TTN: variants seen among roughly 807,000 people sequenced by gnomAD.
TTN encodes the protein connectin.
In TTN, 1,525 loss-of-function variants were observed where a neutral mutation model predicts 3,223.0. The ratio of observed to expected loss-of-function variants is 0.47; its 90% CI spans 0.45 to 0.49. The LOEUF is 0.49. Among genes scored for constraint, TTN ranks in the 20% least tolerant of loss-of-function variants. TTN has a pLI of 0.00. For missense variants in TTN, 40,786 were observed against 43,424.0 expected (o/e 0.94, Z 5.40); for synonymous variants, 14,094 against 15,161.0 (o/e 0.93, Z 5.17).
chr2:178,768,958 C>T, intron 37 of TTN, 25 bp from the exon 38 acceptor site: 2 of 1,611,730 alleles, frequency 1.2e-6, no homozygotes, highest in Admixed American at 1.7e-5. Context: ...AGAAAAAACA[C>T]CCAAGGAGAC....
intron 330 of TTN, chr2:178,556,454 AC>A (rs1701509589): frequency 1.4e-5 from 3 of 215,374 alleles, no homozygotes; most frequent in Admixed American, 5.8e-5. Flanking sequence ...AAACAAACAA[AC>A]AAAAAAAAAA....
At position 178,647,472 on chromosome 2, in the gene TTN, G is replaced by T; in HGVS notation, c.40058-8C>A. ...TCTCAGGCACTTTGGGCACTTTAAAGATATGATTTTGTTTACTATTAAGAA... is the reference window on the plus strand; with the variant it reads ...TCTCAGGCACTTTGGGCACTTTAAATATATGATTTTGTTTACTATTAAGAA... On this transcript the variant is annotated splice_polypyrimidine_tract_variant and splice_region_variant and intron_variant, in intron 213 of 362. Coordinates refer to ENST00000589042, the MANE Select transcript of TTN (RefSeq NM_001267550.2). 6.5e-7 allele frequency: 1 copy of T among 1,549,376 alleles called. No individual in the cohort carries two copies.
intron 42 of TTN, 107 bp from the exon 43 acceptor site, chr2:178,764,409 A>C: frequency 6.2e-7 from 1 of 1,611,224 alleles, no homozygotes; most frequent in Non-Finnish European, 8.5e-7. Context: ...AGTGCTTTCA[A>C]AGTTGGGTAG....
In TTN at chr2:178,570,171, T is replaced by C. The variant is rs769235958; in HGVS notation, c.75961A>G (p.Met25321Val). The C allele has an allele frequency of 8.7e-6, 14 of 1,613,408 alleles. No homozygotes were observed. Among genetic ancestry groups the C allele is most frequent in the Non-Finnish European group, 1.2e-5 (14 of 1,179,622 alleles). ...GCTGGTCTTTCCCATACAACAATCATTGAGTCCTTGGTCACTGTTGTGACT... is the reference window on the plus strand; with the variant it reads ...GCTGGTCTTTCCCATACAACAATCACTGAGTCCTTGGTCACTGTTGTGACT... The part of the protein sequence containing the change: ...PEVTTVTKDS[M>V]IVVWERPASD... The change falls in exon 326 of 363, where the codon ATG (methionine) becomes GTG (valine). Residue 25321 changes from methionine to valine, a missense_variant. Transcript: ENST00000589042.
rs373144782 is a variant in TTN, at chr2:178,565,614, C to T, written c.80518G>A (p.Val26840Ile). 3 of 1,613,470 alleles carry T rather than the reference C, an allele frequency of 1.9e-6. No individual in the cohort carries two copies. The African/African-American group carries it at 4.0e-5, about 22-fold the overall frequency. The change falls in exon 326 of 363, where the codon GTT (valine) becomes ATT (isoleucine). Residue 26840 changes from valine (V) to isoleucine (I), a missense_variant. Transcript: ENST00000589042. Reference protein sequence around the residue: ...VAESKVCNAVVTGLSSGQEYQ... With the variant: ...VAESKVCNAVITGLSSGQEYQ... The stretch of plus-strand genomic sequence containing the variant: ...TCTTGTCCAGAACTCAAACCAGTAA[C>T]AACTGCATTACAGACTTTGGATTCA...
At chr2:178,749,345 G>A (rs933904514) in intron 47 of TTN, 1 of 1,612,742 alleles carries the variant, frequency 6.2e-7, no homozygotes, top group Admixed American at 1.7e-5. Context: ...TATGAATTCA[G>A]CCCTGATGGG....
rs774179004 is a variant in TTN, at chr2:178,607,898, G to T, written c.52889C>A (p.Thr17630Asn). Residue 17630 changes from threonine (T) to asparagine (N), a missense_variant, in exon 276 of 363, where the codon ACC (threonine) becomes AAC (asparagine). Thr to Asn is a moderately conservative substitution (Grantham distance 65). Transcript: ENST00000589042. ...TEKMIKVRQY[T>N]VKEIREGADY... ...AGCACCCTCTCGGATTTCTTTGACG[G>T]TGTACTGACGGACCTTGATCATCTT... 4 of 1,612,986 alleles carry T rather than the reference G, an allele frequency of 2.5e-6. No homozygotes were observed. The South Asian group carries it at 4.4e-5, about 18-fold the overall frequency.
chr2:178,632,281 G>A lies in TTN; in HGVS notation c.43613C>T (p.Thr14538Ile). The change falls in exon 236 of 363, where the codon ACC (threonine) becomes ATC (isoleucine). Residue 14538 changes from threonine (T) to isoleucine (I), a missense_variant. Physicochemically the swap from Thr to Ile is moderately conservative, Grantham distance 89. Coordinates refer to ENST00000589042, the MANE Select transcript of TTN (RefSeq NM_001267550.2). ...GTCTTGCATTGAGACCGACCTGGTGGTGTGTAGGCGCTGGTCATTCTTGAA... is the reference window on the plus strand; with the variant it reads ...GTCTTGCATTGAGACCGACCTGGTGATGTGTAGGCGCTGGTCATTCTTGAA... ...KWFKNDQRLH[T>I]TRSVSMQDEG... The A allele has an allele frequency of 6.2e-7, 1 of 1,609,998 alleles. No homozygotes were observed. Among genetic ancestry groups the A allele is most frequent in the Non-Finnish European group, 8.5e-7 (1 of 1,178,044 alleles).
rs749161780 is a variant in TTN at position 178,774,503 on chromosome 2, T to C, written c.6791-30A>G. The C allele has an allele frequency of 2.5e-6, 4 of 1,604,100 alleles. No homozygotes were observed. In the African/African-American group the frequency reaches 4.0e-5, roughly 16 times the overall value. On this transcript the variant is annotated intron_variant, in intron 29 of 362. Transcript: ENST00000589042. ...AGTGTATAACAGAAAGATAAATCAA[T>C]TTTTTTGGAGAGGTATGCATCTAGA...
Position 178,782,373 on chromosome 2 carries a change from T to G in TTN, c.3219A>C (p.Gln1073His), listed in dbSNP as rs2092857573. Residue 1073 changes from glutamine to histidine, a missense_variant, in exon 20 of 363, where the codon CAA (glutamine) becomes CAC (histidine). Transcript: ENST00000589042. Reference sequence around the variant, plus strand: ...GCGCGGCAGGTTCTCCAGGCCCTGCTTGTTCCTCTGTGAGGCTAGTATCAG... The same window carrying G: ...GCGCGGCAGGTTCTCCAGGCCCTGCGTGTTCCTCTGTGAGGCTAGTATCAG... ...VMTDTSLTEEQAGPGEPAAPY... is the reference protein window; with the variant it reads ...VMTDTSLTEEHAGPGEPAAPY... 2 of 1,614,128 alleles carry G rather than the reference T, an allele frequency of 1.2e-6. No individual in the cohort carries two copies. Among genetic ancestry groups the G allele is most frequent in the Admixed American group, 3.3e-5 (2 of 60,020 alleles).
At position 178,604,769 on chromosome 2, in the gene TTN, G is replaced by C. The variant is rs794729457; in HGVS notation, c.54320C>G (p.Ala18107Gly). The change falls in exon 281 of 363, where the codon GCA becomes GGA. Residue 18107 changes from alanine (A) to glycine (G), a missense_variant. By Grantham distance (60) the Ala-to-Gly change is moderately conservative (BLOSUM62 0). Coordinates refer to ENST00000589042, the MANE Select transcript of TTN (RefSeq NM_001267550.2). ...ITHYVIDKRD[A>G]SRKKAEWEEV... is the part of the protein sequence containing the mutation. ...CTCCCATTCTGCTTTCTTCCTACTT[G>C]CATCACGTTTGTCAATAACATAATG... 2 of 1,612,080 alleles carry C rather than the reference G, an allele frequency of 1.2e-6. No individual in the cohort carries two copies. Among genetic ancestry groups the C allele is most frequent in the Non-Finnish European group, 1.7e-6 (2 of 1,178,890 alleles).
At chr2:178,759,933 G>C (rs370711648) in intron 43 of TTN, among the ~76,000 whole-genome samples, 1 of 152,268 alleles carries the variant, frequency 6.6e-6, no homozygotes, top group East Asian at 1.9e-4. Flanking sequence ...TTACAGTAAA[G>C]TAGCAGGTTA....
In TTN at chr2:178,764,687, C is replaced by T. The variant is rs2154339911; in HGVS notation, c.9828G>A (p.Glu3276=). The stretch of plus-strand genomic sequence containing the variant: ...ACTTGAAGCCAGTGGAAAGCAGCTG[C>T]TCTTCCTTGTACCAGGAAATTTTGG... ...PQPKISWYKE[E]QLLSTGFKCK... is the part of the protein sequence containing the mutation. Residue 3276 remains glutamate (E), a synonymous_variant, in exon 42 of 363, where the codon GAG becomes GAA. Transcript: ENST00000589042. 6.2e-6 allele frequency: 10 copies of T among 1,614,124 alleles called. No homozygotes were observed. The highest frequency in any genetic ancestry group is 1.6e-4 in the Middle Eastern group (1 of 6,062).
Position 178,593,616 on chromosome 2 carries a change from T to G in TTN, c.58684A>C (p.Ile19562Leu), listed in dbSNP as rs397517637. 1 of 1,612,852 alleles carries G rather than the reference T, an allele frequency of 6.2e-7. No homozygotes were observed. The highest frequency in any genetic ancestry group is 1.3e-5 in the African/African-American group (1 of 74,920). Reference sequence around the variant, plus strand: ...GAATCAGACACCAGAGGATCACTTATTCCATACAGATTTTCAGCATGTATC... The same window carrying G: ...GAATCAGACACCAGAGGATCACTTAGTCCATACAGATTTTCAGCATGTATC... ...FRIHAENLYG[I>L]SDPLVSDSMK... Residue 19562 changes from isoleucine to leucine, a missense_variant, in exon 298 of 363, where the codon ATA (isoleucine) becomes CTA (leucine). Ile to Leu is a conservative substitution (Grantham distance 5). Coordinates refer to ENST00000589042, the MANE Select transcript of TTN (RefSeq NM_001267550.2).
At chr2:178,729,190 G>C (rs745487426) in intron 64 of TTN, 21 bp from the exon 65 acceptor site, 52 of 1,551,326 alleles carry the variant, frequency 3.4e-5, no homozygotes. Context: ...ATAAGAGAGT[G>C]TGAAAAGAAG....
Position 178,777,956 on chromosome 2 carries a change from C to T in TTN, c.4228G>A (p.Val1410Met). The T allele has an allele frequency of 1.2e-6, 2 of 1,613,886 alleles. No individual in the cohort carries two copies. Among genetic ancestry groups the T allele is most frequent in the Non-Finnish European group, 1.7e-6 (2 of 1,179,890 alleles). The change falls in exon 25 of 363, where the codon GTG (valine) becomes ATG (methionine). Residue 1410 changes from valine (V) to methionine (M), a missense_variant. Coordinates refer to ENST00000589042, the MANE Select transcript of TTN (RefSeq NM_001267550.2). ...GACATGCGTATAGGAGACCTGCTCA[C>T]TGAACGTGGAGAGAGAGATCTGCAA... ...SRIRSLSPRS[V>M]SRSPIRMSPA... is the part of the protein sequence containing the mutation.
intron 312 of TTN, 42 bp from the exon 313 acceptor site, chr2:178,583,269 A>G (rs1375868573): frequency 1.4e-6 from 2 of 1,465,492 alleles, no homozygotes; most frequent in Admixed American, 4.7e-5. Context: ...ATGCAAAGCT[A>G]TATTATGTAA....
In TTN at chr2:178,567,173, G is replaced by C; in HGVS notation, c.78959C>G (p.Ser26320Cys). The C allele has an allele frequency of 6.2e-7, 1 of 1,613,350 alleles. No individual in the cohort carries two copies. The highest frequency in any genetic ancestry group is 8.5e-7 in the Non-Finnish European group (1 of 1,179,492). The change falls in exon 326 of 363, where the codon TCT becomes TGT. Residue 26320 changes from serine (S) to cysteine (C), a missense_variant. Coordinates refer to ENST00000589042, the MANE Select transcript of TTN (RefSeq NM_001267550.2). ...TTCTCGCTTTTCAACAACATAGTGA[G>C]AAATGTCACTGCCACCATCTTGAAG... Reference protein sequence around the residue: ...PPLQDGGSDISHYVVEKRETS... With the variant: ...PPLQDGGSDICHYVVEKRETS...
chr2:178,728,302 G>C lies in TTN; in HGVS notation c.19522C>G (p.Leu6508Val). ...TTAAACCACTGAGCACTAATGGGAA[G>C]TGAACCAGACACCTTGCACTCCATA... The part of the protein sequence containing the change: ...IHMECKVSGS[L>V]PISAQWFKDG... Residue 6508 changes from leucine (L) to valine (V), a missense_variant, in exon 67 of 363, where the codon CTT becomes GTT. By Grantham distance (32) the Leu-to-Val change is conservative. Coordinates refer to ENST00000589042, the MANE Select transcript of TTN (RefSeq NM_001267550.2). The C allele has an allele frequency of 6.2e-7, 1 of 1,613,142 alleles. No homozygotes were observed.
Sources: allele counts gnomAD v4.1 joint callset (sites outside exome capture counted in the v4.1 genomes callset), GRCh38; gene constraint gnomAD v4.1.1; transcripts MANE v1.5; gene names NCBI Gene and HGNC (gene_info 2026-07-23, HGNC 2026-07-21).